Variants in DMD observed in about 807,000 individuals in gnomAD.
DMD encodes dystrophin.
In DMD, 63 loss-of-function variants were observed where a neutral mutation model predicts 330.1. The ratio of observed to expected loss-of-function variants is 0.19; its 90% confidence interval spans 0.16 to 0.24. DMD has a LOEUF of 0.24. Among genes scored for constraint, DMD ranks in the 10% least tolerant of loss-of-function variants. DMD has a pLI of 1.00. For synonymous variants in DMD, 1,223 were observed against 959.8 expected, an observed-to-expected ratio of 1.27 and a Z score of -5.07; for missense variants, 3,344 against 2,684.1, an observed-to-expected ratio of 1.25 and a Z score of -5.43.
intron 43 of DMD, among the ~76,000 whole-genome samples, chrX:32,274,766 G>A (rs1213073494): frequency 8.9e-6 from 1 of 112,044 alleles, no homozygotes; most frequent in African/African-American, 3.2e-5. Context: ...TGTGCTGAAT[G>A]GTTCATGTTT....
At chrX:33,276,194 C>T (rs2053231615) in intron 1 of DMD, among the ~76,000 whole-genome samples, 1 of 111,607 alleles carries the variant, frequency 9.0e-6, no homozygotes, top group Non-Finnish European at 1.9e-5. Flanking sequence ...TTCTCTGATT[C>T]GGTAAATGCC....
intron 12 of DMD, among the ~76,000 whole-genome samples, chrX:32,605,103 G>A (rs765577733): frequency 9.0e-6 from 1 of 110,849 alleles, no homozygotes; most frequent in Non-Finnish European, 1.9e-5. Flanking sequence ...GCAATGCTAA[G>A]CAAGAAGAAT....
chrX:31,255,769 C>CTTT (rs146884145), intron 63 of DMD, among the ~76,000 whole-genome samples: 78 of 50,799 alleles, frequency 1.5e-3, no homozygotes, highest in Non-Finnish European at 2.4e-3. Flanking sequence ...AATATCGTTA[C>CTTT]TTTTTTTTTT....
intron 41 of DMD, among the ~76,000 whole-genome samples, chrX:32,332,762 AT>A (rs984144816): frequency 9.0e-6 from 1 of 111,383 alleles, no homozygotes; most frequent in African/African-American, 3.3e-5. Context: ...TTATGATCAG[AT>A]TTAAATATGG....
chrX:32,956,623 G>T (rs1300840420), intron 2 of DMD, among the ~76,000 whole-genome samples: 1 of 111,664 alleles, frequency 9.0e-6, no homozygotes, highest in African/African-American at 3.2e-5. Context: ...GGGTTTTCTA[G>T]ATATAGCATC....
intron 50 of DMD, among the ~76,000 whole-genome samples, chrX:31,810,321 C>T (rs766564615): frequency 9.0e-6 from 1 of 110,980 alleles, no homozygotes. Flanking sequence ...GTTGCCAGAC[C>T]ATGGGGACTC....
intron 18 of DMD, among the ~76,000 whole-genome samples, chrX:32,503,272 A>G (rs2044247998): frequency 9.0e-6 from 1 of 111,585 alleles, no homozygotes; most frequent in Admixed American, 9.5e-5. Flanking sequence ...CTGTAGTCCC[A>G]GCTACTCAGG....
chrX:32,213,504 A>G (rs2097101020), intron 44 of DMD, among the ~76,000 whole-genome samples: 1 of 112,111 alleles, frequency 8.9e-6, no homozygotes, highest in Admixed American at 9.5e-5. Flanking sequence ...GCACATGTTC[A>G]TATGCATGAT....
intron 18 of DMD, among the ~76,000 whole-genome samples, chrX:32,504,306 T>G (rs1404097450): frequency 8.9e-6 from 1 of 112,071 alleles, no homozygotes; most frequent in Admixed American, 9.5e-5. Flanking sequence ...ACTTTAAAAT[T>G]TCAACATTGA....
intron 13 of DMD, among the ~76,000 whole-genome samples, chrX:32,588,239 C>T (rs1012366701): frequency 6.2e-5 from 7 of 112,007 alleles, no homozygotes; most frequent in Admixed American, 4.7e-4. Context: ...ATATTAACTG[C>T]AAAAGTATAT....
chrX:31,823,069 C>T (rs1187857707), intron 49 of DMD, among the ~76,000 whole-genome samples: 1 of 111,760 alleles, frequency 8.9e-6, no homozygotes, highest in African/African-American at 3.3e-5. Flanking sequence ...GACCCAACCC[C>T]AGCCAATGGG....
intron 55 of DMD, among the ~76,000 whole-genome samples, chrX:31,538,120 C>T (rs1271319882): frequency 1.8e-5 from 2 of 111,635 alleles, no homozygotes; most frequent in African/African-American, 6.5e-5. Flanking sequence ...TGTGGGTTTG[C>T]TTGTATGATG....
At chrX:32,530,115 A>G (rs1404863304) in intron 17 of DMD, among the ~76,000 whole-genome samples, 3 of 112,243 alleles carry the variant, frequency 2.7e-5, no homozygotes, top group Non-Finnish European at 5.6e-5. Context: ...CAAAAGCTGA[A>G]TTCTAGTCCA....
chrX:31,169,474 T>C lies in DMD; in HGVS notation c.10522A>G (p.Arg3508Gly). The change falls in exon 74 of 79, where the codon AGA (arginine) becomes GGA (glycine). Residue 3508 changes from arginine to glycine, a missense_variant. By Grantham distance (125) the Arg-to-Gly change is moderately radical. Transcript: ENST00000357033. ...TCTTCCTCAAGATCTGCTAGGATTC[T>C]CTCTAGCTCCCCTCTTTCCTCACTC... is the stretch of plus-strand genomic sequence containing the variant. ...LESEERGELERILADLEEENR... is the reference protein window; with the variant it reads ...LESEERGELEGILADLEEENR... The C allele has an allele frequency of 8.3e-7, 1 of 1,205,112 alleles. No individual in the cohort carries two copies. Among genetic ancestry groups the C allele is most frequent in the Non-Finnish European group, 1.1e-6 (1 of 890,054 alleles).
intron 67 of DMD, among the ~76,000 whole-genome samples, chrX:31,193,185 C>T (rs1456348584): frequency 2.7e-5 from 3 of 112,201 alleles, no homozygotes; most frequent in Non-Finnish European, 5.6e-5. Context: ...CAATTCAGCA[C>T]AGTTTTCATG....
chrX:31,602,469 G>T (rs2077415779), intron 55 of DMD, among the ~76,000 whole-genome samples: 3 of 110,742 alleles, frequency 2.7e-5, no homozygotes, highest in Non-Finnish European at 5.7e-5. Context: ...GTTATAAAAA[G>T]TACATGGCCC....
intron 44 of DMD, among the ~76,000 whole-genome samples, chrX:31,968,779 T>C (rs1400200885): frequency 8.9e-6 from 1 of 111,907 alleles, no homozygotes; most frequent in East Asian, 2.8e-4. Context: ...GAGGATGTTA[T>C]AATGTCCTAC....
chrX:31,397,720 A>G (rs1602470169), intron 60 of DMD, among the ~76,000 whole-genome samples: 1 of 112,657 alleles, frequency 8.9e-6, no homozygotes. Flanking sequence ...ATGATGTAGG[A>G]AACATAATGC....
intron 63 of DMD, among the ~76,000 whole-genome samples, chrX:31,252,895 G>A (rs956963137): frequency 9.9e-5 from 11 of 111,450 alleles, no homozygotes; most frequent in African/African-American, 3.6e-4. Context: ...GGCTGCTGAG[G>A]CAGGAGAATC....
Sources: gnomAD v4.1 joint callset for allele counts (sites outside exome capture counted in the v4.1 genomes callset) on GRCh38, gnomAD v4.1.1 for gene constraint, MANE v1.5 for transcripts, NCBI Gene and HGNC (gene_info 2026-07-23, HGNC 2026-07-21) for gene names.